Variants in RIC1 observed in about 807,000 individuals in gnomAD.
RIC1 encodes RIC1 partner of RAB6A GEF complex.
A neutral mutation model predicts 169.0 loss-of-function variants in RIC1; 88 were observed. That is an observed-to-expected ratio of 0.52 (90% CI 0.44 to 0.62). The LOEUF is 0.62. Ranked by LOEUF, RIC1 falls within the 20% of genes least tolerant of loss-of-function variation. The probability of loss-of-function intolerance (pLI) is 0.00; values close to 1 mark genes in which losing one functional copy is unlikely to be tolerated. For synonymous variants in RIC1, 790 were observed against 601.5 expected (o/e 1.31, Z -4.59); for missense variants, 1,877 against 1,725.5 (o/e 1.09, Z -1.56).
rs1280825692 is a variant in RIC1, at chr9:5,770,137, G to A, written c.3475G>A (p.Glu1159Lys). 2.5e-6 allele frequency: 4 copies of A among 1,613,674 alleles called. No individual in the cohort carries two copies. In the Admixed American group the frequency reaches 6.7e-5, roughly 27 times the overall value. The change falls in exon 23 of 26, where the codon GAG (glutamate) becomes AAG (lysine). Residue 1159 changes from glutamate (E) to lysine (K), a missense_variant. Physicochemically the swap from Glu to Lys is moderately conservative, Grantham distance 56. Around this residue, in one of 3 missense-constraint regions of RIC1, gnomAD observed 681 missense variants for 582.0 expected, o/e 1.17. Coordinates refer to ENST00000414202, the MANE Select transcript of RIC1 (RefSeq NM_020829.4). ...ATCAGCTGACCCATTTTTGAACCTT[G>A]AGATGGATGCTGGCATCTCCAACAT... ...SQSADPFLNL[E>K]MDAGISNIQR...
chr9:5,669,594 A>G (rs1819973113), intron 2 of RIC1, among the ~76,000 whole-genome samples: 1 of 152,106 alleles, frequency 6.6e-6, no homozygotes, highest in African/African-American at 2.4e-5. Flanking sequence ...AGATGTCTTG[A>G]GGGTAAAATT....
intron 2 of RIC1, among the ~76,000 whole-genome samples, chr9:5,679,520 C>T (rs1442504909): frequency 6.6e-6 from 1 of 152,130 alleles, no homozygotes; most frequent in Non-Finnish European, 1.5e-5. Flanking sequence ...TTTCATTGGG[C>T]AGTGCTTTGT....
At chr9:5,755,414 A>C (rs1469332756) in intron 15 of RIC1, among the ~76,000 whole-genome samples, 1 of 152,240 alleles carries the variant, frequency 6.6e-6, no homozygotes, top group Non-Finnish European at 1.5e-5. Context: ...ATTAATAATG[A>C]CTAATAATAA....
intron 3 of RIC1, among the ~76,000 whole-genome samples, chr9:5,699,132 A>G (rs1004688464): frequency 6.6e-6 from 1 of 152,228 alleles, no homozygotes; most frequent in African/African-American, 2.4e-5. Context: ...TCCTTACATC[A>G]TATCCTTGAA....
intron 2 of RIC1, among the ~76,000 whole-genome samples, chr9:5,683,528 C>T (rs974989488): frequency 3.9e-5 from 6 of 152,256 alleles, no homozygotes; most frequent in East Asian, 3.9e-4. Flanking sequence ...GAGGAGTACC[C>T]GGCCGTGTGA....
intron 3 of RIC1, among the ~76,000 whole-genome samples, chr9:5,709,040 G>T (rs1822770455): frequency 6.6e-6 from 1 of 151,934 alleles, no homozygotes; most frequent in South Asian, 2.1e-4. Context: ...TTAGTTACTT[G>T]ATTTTGTACA....
intron 4 of RIC1, among the ~76,000 whole-genome samples, chr9:5,717,208 T>C (rs1244511773): frequency 6.6e-6 from 1 of 152,196 alleles, no homozygotes; most frequent in Non-Finnish European, 1.5e-5. Flanking sequence ...GCATCACTGA[T>C]TATCATGTTA....
intron 3 of RIC1, among the ~76,000 whole-genome samples, chr9:5,692,540 C>A (rs182024796): frequency 5.3e-5 from 8 of 152,066 alleles, no homozygotes; most frequent in African/African-American, 1.9e-4. Flanking sequence ...GTAACTGCTA[C>A]CTAAAATCTC....
At chr9:5,740,197 G>C (rs116468418) in intron 8 of RIC1, among the ~76,000 whole-genome samples, 8 of 152,070 alleles carry the variant, frequency 5.3e-5, no homozygotes, top group Admixed American at 2.0e-4. Flanking sequence ...AACTCCTTGC[G>C]TCTCACAAGC....
chr9:5,673,648 A>T (rs1414471234), intron 2 of RIC1, among the ~76,000 whole-genome samples: 1 of 151,114 alleles, frequency 6.6e-6, no homozygotes, highest in Non-Finnish European at 1.5e-5. Context: ...CATACTTTGG[A>T]ATATCACACA....
chr9:5,771,575 T>C (rs1414552200), intron 23 of RIC1, among the ~76,000 whole-genome samples: 1 of 147,118 alleles, frequency 6.8e-6, no homozygotes, highest in African/African-American at 2.4e-5. Flanking sequence ...TAATTCTACT[T>C]GCATTTTTTT....
rs1037147703 is a variant in RIC1 at position 5,776,275 on chromosome 9, T to G, written c.*2029T>G. On this transcript the variant is annotated 3_prime_UTR_variant, in exon 26 of 26. Coordinates refer to ENST00000414202, the MANE Select transcript of RIC1 (RefSeq NM_020829.4). ...GGCAGGTTTACAGAAAATTTGGTAATTTATTTGTTATATACCTTAATTTTT... is the reference window on the plus strand; with the variant it reads ...GGCAGGTTTACAGAAAATTTGGTAAGTTATTTGTTATATACCTTAATTTTT... The G allele has an allele frequency of 2.0e-5, 3 of 152,168 alleles. No homozygotes were observed. The highest frequency in any genetic ancestry group is 1.9e-4 in the East Asian group (1 of 5,196). The allele number at this position is 152,168 out of a possible 1,614,324, so 9.4% of individuals were successfully genotyped here. A position where few individuals can be genotyped will look rare whatever the true frequency, so the allele number is the denominator to read the frequency against.
At chr9:5,684,687 C>A (rs1001928007) in intron 2 of RIC1, among the ~76,000 whole-genome samples, 1 of 152,072 alleles carries the variant, frequency 6.6e-6, no homozygotes, top group Non-Finnish European at 1.5e-5. Flanking sequence ...CTTTTTCTCC[C>A]CAATTTATAT....
At chr9:5,742,642 T>C (rs1315110500) in intron 8 of RIC1, among the ~76,000 whole-genome samples, 1 of 152,160 alleles carries the variant, frequency 6.6e-6, no homozygotes, top group Non-Finnish European at 1.5e-5. Context: ...CAGCTTTCAC[T>C]TCTTACAAAT....
chr9:5,689,972 A>G lies in RIC1; in HGVS notation c.266A>G (p.Tyr89Cys). 1.3e-6 allele frequency: 2 copies of G among 1,599,262 alleles called. No homozygotes were observed. Among genetic ancestry groups the G allele is most frequent in the South Asian group, 1.1e-5 (1 of 88,454 alleles). ...TMIAVSTANG[Y>C]ILFFHITSTR... ...TTTCTCTTTCAGACGGCAAATGGAT[A>G]CATCTTGTTTTTTCATATTACATCT... Residue 89 changes from tyrosine (Y) to cysteine (C), a missense_variant, in exon 3 of 26, where the codon TAC becomes TGC. By Grantham distance (194) the Tyr-to-Cys change is radical. Coordinates refer to ENST00000414202, the MANE Select transcript of RIC1 (RefSeq NM_020829.4).
rs778980010 is a variant in RIC1 at position 5,753,222 on chromosome 9, G to A, written c.1475G>A (p.Ser492Asn). ...VVQISSTYLE[S>N]NWPIRFSAID... ...TAGATTTCCAGCACCTATCTAGAGA[G>A]CAATTGGCCTATACGGGTGAGTTGT... The change falls in exon 13 of 26, where the codon AGC (serine) becomes AAC (asparagine). Residue 492 changes from serine (S) to asparagine (N), a missense_variant. Ser to Asn is a conservative substitution (Grantham distance 46). Coordinates refer to ENST00000414202, the MANE Select transcript of RIC1 (RefSeq NM_020829.4). The A allele has an allele frequency of 6.2e-7, 1 of 1,613,602 alleles. No homozygotes were observed. Among genetic ancestry groups the A allele is most frequent in the South Asian group, 1.1e-5 (1 of 91,060 alleles).
intron 6 of RIC1, among the ~76,000 whole-genome samples, chr9:5,721,851 A>G (rs1183547089): frequency 1.3e-5 from 2 of 151,522 alleles, no homozygotes; most frequent in Non-Finnish European, 2.9e-5. Context: ...AGCTTTTTCA[A>G]ACATATTAGC....
intron 3 of RIC1, among the ~76,000 whole-genome samples, chr9:5,699,757 T>G (rs1822109907): frequency 6.6e-6 from 1 of 152,222 alleles, no homozygotes; most frequent in Non-Finnish European, 1.5e-5. Context: ...CTGATGTATG[T>G]TCACTCTGAT....
At chr9:5,680,905 C>A (rs1820788311) in intron 2 of RIC1, among the ~76,000 whole-genome samples, 1 of 140,364 alleles carries the variant, frequency 7.1e-6, no homozygotes, top group Admixed American at 7.4e-5. Context: ...CGGCTCACTG[C>A]AAGCTCCGCC....
Sources: allele counts gnomAD v4.1 joint callset (sites outside exome capture counted in the v4.1 genomes callset), GRCh38; gene constraint gnomAD v4.1.1; regional missense constraint gnomAD v4.1.1; transcripts MANE v1.5; gene names NCBI Gene and HGNC (gene_info 2026-07-23, HGNC 2026-07-21).